ITK: variants seen among roughly 807,000 people sequenced by gnomAD.
ITK encodes the protein tyrosine-protein kinase ITK/TSK.
Under a neutral mutation model 87.6 loss-of-function variants are expected in ITK, and 45 were observed. That is an observed-to-expected ratio of 0.51 (90% CI 0.40 to 0.66). The LOEUF (loss-of-function observed/expected upper bound fraction) is 0.66, where lower values mean the gene tolerates loss of function less well. Among genes scored for constraint, ITK ranks in the 30% least tolerant of loss-of-function variants. The pLI, the probability that ITK is intolerant of heterozygous loss-of-function variation, is 0.00. For missense variants in ITK, 605 were observed against 766.3 expected, an observed-to-expected ratio of 0.79 and a Z score of 2.48; for synonymous variants, 303 against 273.6, an observed-to-expected ratio of 1.11 and a Z score of -1.06.
At chr5:157,207,131 A>G (rs1277631495) in intron 1 of ITK, among the ~76,000 whole-genome samples, 1 of 152,150 alleles carries the variant, frequency 6.6e-6, no homozygotes, top group Non-Finnish European at 1.5e-5. Context: ...ATGATAGACA[A>G]CCTAAGTCTT....
intron 4 of ITK, among the ~76,000 whole-genome samples, chr5:157,216,768 C>A (rs1488288111): frequency 1.3e-5 from 2 of 152,122 alleles, no homozygotes. Flanking sequence ...CTCCCAGCTC[C>A]AAGTTGAGTT....
At chr5:157,249,969 G>A (rs956002951) in intron 16 of ITK, among the ~76,000 whole-genome samples, 1 of 152,016 alleles carries the variant, frequency 6.6e-6, no homozygotes, top group Admixed American at 6.5e-5. Flanking sequence ...TTAACAAAGA[G>A]TACAGAGTTC....
intron 1 of ITK, among the ~76,000 whole-genome samples, chr5:157,190,949 A>G (rs61708279): frequency 0.017 from 2,660 of 152,234 alleles, 73 homozygotes; most frequent in African/African-American, 0.061. Flanking sequence ...AGGTTGAAGC[A>G]GTGGGTGTGA....
Position 157,226,469 on chromosome 5 carries a change from A to G in ITK, c.648-1827A>G, listed in dbSNP as rs191928692. 4.2e-3 allele frequency among the ~76,000 whole-genome samples: 644 copies of G among 152,350 alleles called. 3 individuals carry two copies. The highest frequency in any genetic ancestry group is 0.015 in the African/African-American group (612 of 41,596). ...GAATTCCAAGAGTGATACAGAAGGA[A>G]TGGCAAATTTCAGAATAAGCTGACT... On this transcript the variant is annotated intron_variant, in intron 6 of 16. Transcript: ENST00000422843.
At chr5:157,189,562 T>A (rs887149790) in intron 1 of ITK, among the ~76,000 whole-genome samples, 1 of 152,202 alleles carries the variant, frequency 6.6e-6, no homozygotes, top group African/African-American at 2.4e-5. Context: ...ATGCCTGTAA[T>A]CTCAGCTACT....
intron 16 of ITK, among the ~76,000 whole-genome samples, chr5:157,250,303 T>G (rs1336735895): frequency 6.6e-6 from 1 of 152,232 alleles, no homozygotes; most frequent in Non-Finnish European, 1.5e-5. Flanking sequence ...TGCCATATAT[T>G]GGCATCATAC....
chr5:157,234,847 T>C (rs1754745057), intron 8 of ITK, among the ~76,000 whole-genome samples: 1 of 152,138 alleles, frequency 6.6e-6, no homozygotes, highest in African/African-American at 2.4e-5. Flanking sequence ...GACAGGTTTA[T>C]GGGTGCAGCA....
chr5:157,226,890 C>A (rs1013142465), intron 6 of ITK, among the ~76,000 whole-genome samples: 1 of 152,126 alleles, frequency 6.6e-6, no homozygotes, highest in Admixed American at 6.5e-5. Flanking sequence ...ACCTCCACAC[C>A]ACTGCCCCCA....
chr5:157,232,921 G>A (rs1270016806), intron 8 of ITK, among the ~76,000 whole-genome samples: 2 of 152,146 alleles, frequency 1.3e-5, no homozygotes, highest in Admixed American at 1.3e-4. Context: ...ACTCTGATTC[G>A]GCCTGACTCA....
At chr5:157,216,347 G>A (rs998189761) in intron 4 of ITK, among the ~76,000 whole-genome samples, 26 of 152,190 alleles carry the variant, frequency 1.7e-4, no homozygotes, top group Admixed American at 6.5e-4. Flanking sequence ...GCAATATGGG[G>A]ATAATGATAA....
chr5:157,253,286 G>A lies in ITK; in HGVS notation c.*608G>A, dbSNP rs1426213266. Reference sequence around the variant, plus strand: ...AGGAGGCCGGATATTCTGAGAAGCAGCTTTATGAGGTTTTACAGAGTATGC... The same window carrying A: ...AGGAGGCCGGATATTCTGAGAAGCAACTTTATGAGGTTTTACAGAGTATGC... On this transcript the variant is annotated 3_prime_UTR_variant, in exon 17 of 17. Transcript: ENST00000422843. The A allele has an allele frequency of 4.1e-6, 1 of 244,870 alleles. No homozygotes were observed. Among genetic ancestry groups the A allele is most frequent in the East Asian group, 5.8e-5 (1 of 17,346 alleles). 15.2% of individuals were successfully genotyped at this position (244,870 alleles called of 1,614,324 possible). A position where few individuals can be genotyped will look rare whatever the true frequency, so the allele number is the denominator to read the frequency against.
chr5:157,185,428 A>G (rs1753621943), intron 1 of ITK, among the ~76,000 whole-genome samples: 1 of 151,764 alleles, frequency 6.6e-6, no homozygotes, highest in Non-Finnish European at 1.5e-5. Context: ...TTTTTAGTAG[A>G]GACGGGGTTT....
At chr5:157,244,957 G>C (rs913535037) in intron 13 of ITK, 3 of 210,696 alleles carry the variant, frequency 1.4e-5, no homozygotes, top group East Asian at 1.1e-4. Context: ...TGGGTGCGGT[G>C]GCTCATGCCT....
chr5:157,205,979 T>A (rs1754071570), intron 1 of ITK, among the ~76,000 whole-genome samples: 1 of 148,334 alleles, frequency 6.7e-6, no homozygotes, highest in East Asian at 1.9e-4. Context: ...ATTAGCCTTT[T>A]TTTTTTTTTT....
At chr5:157,208,267 G>T (rs529173283) in intron 1 of ITK, among the ~76,000 whole-genome samples, 3 of 152,280 alleles carry the variant, frequency 2.0e-5, no homozygotes, top group Admixed American at 2.0e-4. Context: ...ATGTGAATTA[G>T]TTATCAGGGA....
intron 1 of ITK, among the ~76,000 whole-genome samples, chr5:157,186,008 C>T (rs1333231618): frequency 6.6e-6 from 1 of 152,008 alleles, no homozygotes; most frequent in East Asian, 1.9e-4. Flanking sequence ...CCATTATAAC[C>T]ACTCTGTAAG....
intron 1 of ITK, among the ~76,000 whole-genome samples, chr5:157,201,454 T>C (rs539187746): frequency 3.3e-5 from 5 of 152,070 alleles, no homozygotes; most frequent in Admixed American, 6.6e-5. Context: ...CGTACCACCA[T>C]GCCTGGCTAA....
At chr5:157,189,125 C>T (rs1753702237) in intron 1 of ITK, among the ~76,000 whole-genome samples, 1 of 152,164 alleles carries the variant, frequency 6.6e-6, no homozygotes, top group Non-Finnish European at 1.5e-5. Flanking sequence ...AAGTACTTTG[C>T]AATTGAGACA....
At chr5:157,201,481 G>C (rs907884138) in intron 1 of ITK, among the ~76,000 whole-genome samples, 2 of 151,568 alleles carry the variant, frequency 1.3e-5, no homozygotes, top group African/African-American at 2.4e-5. Context: ...TATTTTCTTA[G>C]AGACAAAATT....
Sources: gnomAD v4.1 joint callset for allele counts (sites outside exome capture counted in the v4.1 genomes callset) on GRCh38, gnomAD v4.1.1 for gene constraint, MANE v1.5 for transcripts, NCBI Gene and HGNC (gene_info 2026-07-23, HGNC 2026-07-21) for gene names.